The following RARB variants were observed in gnomAD, a reference collection of about 807,000 sequenced individuals.
RARB encodes HBV-activated protein.
In RARB, 17 loss-of-function variants were observed where a neutral mutation model predicts 51.9. That is an observed-to-expected ratio of 0.33 (90% CI 0.22 to 0.49). The LOEUF is 0.49. Among genes scored for constraint, RARB ranks in the 20% least tolerant of loss-of-function variants. RARB has a pLI of 0.99. For missense variants in RARB, 369 were observed against 550.8 expected (o/e 0.67, Z 3.30); for synonymous variants, 215 against 195.4 (o/e 1.10, Z -0.84).
intron 3 of RARB, among the ~76,000 whole-genome samples, chr3:25,071,353 A>G (rs1245762553): frequency 3.3e-5 from 5 of 152,236 alleles, no homozygotes; most frequent in African/African-American, 7.2e-5. Context: ...TAAACATGCC[A>G]TGATACTTTG....
chr3:25,160,205 T>C (rs73050349), intron 4 of RARB, among the ~76,000 whole-genome samples: 13,290 of 152,304 alleles, frequency 0.087, 733 homozygotes, highest in Non-Finnish European at 0.13. Context: ...AGGACAGCTC[T>C]AAGGCTGCAG....
At chr3:25,580,827 G>A (rs1157057373) in intron 5 of RARB, 105 bp downstream of exon 5, 1 of 1,280,584 alleles carries the variant, frequency 7.8e-7, no homozygotes, top group Non-Finnish European at 1.1e-6. Flanking sequence ...AGGAGGTTTT[G>A]AGTTTCGACT....
chr3:25,358,624 A>C (rs1429828762), intron 5 of RARB, among the ~76,000 whole-genome samples: 1 of 152,172 alleles, frequency 6.6e-6, no homozygotes, highest in Non-Finnish European at 1.5e-5. Context: ...GTTCTCATTA[A>C]TAGCTCTTAT....
At chr3:24,955,289 A>G (rs1695987621) in intron 2 of RARB, among the ~76,000 whole-genome samples, 2 of 152,302 alleles carry the variant, frequency 1.3e-5, no homozygotes, top group Admixed American at 1.3e-4. Context: ...GTAGTCTCCA[A>G]CACTCAGTTG....
intron 2 of RARB, among the ~76,000 whole-genome samples, chr3:24,890,626 G>T (rs981240888): frequency 1.3e-5 from 2 of 152,250 alleles, no homozygotes; most frequent in South Asian, 4.2e-4. Flanking sequence ...ACTTTGTCAT[G>T]TTTTCAATTG....
intron 5 of RARB, among the ~76,000 whole-genome samples, chr3:25,289,936 C>T (rs1296400313): frequency 6.6e-6 from 1 of 152,102 alleles, no homozygotes; most frequent in African/African-American, 2.4e-5. Flanking sequence ...AGGATGTCAC[C>T]ACAACTCTGA....
intron 3 of RARB, among the ~76,000 whole-genome samples, chr3:25,100,197 A>G (rs1299938192): frequency 6.6e-6 from 1 of 152,218 alleles, no homozygotes; most frequent in Non-Finnish European, 1.5e-5. Context: ...CCGTTTTTAT[A>G]TTTACAGCCT....
intron 3 of RARB, among the ~76,000 whole-genome samples, chr3:25,566,588 C>G (rs1700505658): frequency 6.6e-6 from 1 of 152,148 alleles, no homozygotes; most frequent in Admixed American, 6.5e-5. Context: ...CACCCAGGGC[C>G]CCTTCCCACA....
At chr3:24,930,815 A>T (rs968686782) in intron 2 of RARB, among the ~76,000 whole-genome samples, 2 of 152,008 alleles carry the variant, frequency 1.3e-5, no homozygotes, top group African/African-American at 2.4e-5. Context: ...TAGAGACCAG[A>T]CTGGGCAACA....
At chr3:25,253,907 TGTTA>T (rs945748073) in intron 5 of RARB, among the ~76,000 whole-genome samples, 1 of 152,120 alleles carries the variant, frequency 6.6e-6, no homozygotes, top group African/African-American at 2.4e-5. Context: ...TAGACACAAA[TGTTA>T]GTTAGAAGGG....
rs554326629 is a variant in RARB, at chr3:25,363,133, A to T, written c.179-98060A>T. Among the ~76,000 whole-genome samples the T allele has an allele frequency of 2.4e-3, 358 of 152,320 alleles. 1 individual carries two copies. Among genetic ancestry groups the T allele is most frequent in the African/African-American group, 8.1e-3 (338 of 41,568 alleles). On this transcript the variant is annotated intron_variant, in intron 5 of 11. Transcript: ENST00000383772. Reference sequence around the variant, plus strand: ...ATTGGATAGGACATAATTTAAGGACATTATTGTCCAGGAAAGTTGATGAAA... The same window carrying T: ...ATTGGATAGGACATAATTTAAGGACTTTATTGTCCAGGAAAGTTGATGAAA...
intron 3 of RARB, among the ~76,000 whole-genome samples, chr3:25,094,716 C>CAAAAAAA (rs57477720): frequency 3.0e-4 from 13 of 43,084 alleles, no homozygotes; most frequent in African/African-American, 6.5e-4. Flanking sequence ...GACCCCATCT[C>CAAAAAAA]AAAAAAAAAA....
chr3:24,861,916 A>G (rs1222028147), intron 2 of RARB, among the ~76,000 whole-genome samples: 1 of 152,258 alleles, frequency 6.6e-6, no homozygotes, highest in Non-Finnish European at 1.5e-5. Context: ...CTGGTAGGGC[A>G]GTAAACCATG....
At chr3:25,213,153 G>T (rs1479440493) in intron 5 of RARB, among the ~76,000 whole-genome samples, 1 of 151,884 alleles carries the variant, frequency 6.6e-6, no homozygotes, top group Non-Finnish European at 1.5e-5. Flanking sequence ...GAATTCACTG[G>T]TGTACATAAT....
In RARB at chr3:25,368,955, A is replaced by G. The variant is rs73156076; in HGVS notation, c.179-92238A>G. Among the ~76,000 whole-genome samples the G allele has an allele frequency of 8.3e-3, 1,260 of 152,148 alleles. 20 individuals are homozygous for G. The highest frequency in any genetic ancestry group is 0.029 in the African/African-American group (1,188 of 41,478). ...CATCGTTGTTATATGCTCTTTATGA[A>G]CTCTACTTACATGTAAAAAAATTAC... On this transcript the variant is annotated intron_variant, in intron 5 of 11. Coordinates refer to the RARB transcript ENST00000383772.
intron 2 of RARB, among the ~76,000 whole-genome samples, chr3:25,047,121 T>C (rs1380673662): frequency 6.6e-6 from 1 of 152,194 alleles, no homozygotes; most frequent in Non-Finnish European, 1.5e-5. Flanking sequence ...CAAAGACTTC[T>C]GGAGGAATTT....
intron 3 of RARB, among the ~76,000 whole-genome samples, chr3:25,103,118 C>A (rs1190969850): frequency 1.3e-5 from 2 of 152,092 alleles, no homozygotes; most frequent in African/African-American, 4.8e-5. Context: ...TGGATCCATG[C>A]AGAAGTGGCT....
At chr3:25,169,516 G>A (rs997231276) in intron 4 of RARB, among the ~76,000 whole-genome samples, 1 of 152,148 alleles carries the variant, frequency 6.6e-6, no homozygotes, top group African/African-American at 2.4e-5. Flanking sequence ...TATAAATGCA[G>A]TATATCACGT....
intron 2 of RARB, among the ~76,000 whole-genome samples, chr3:24,888,521 C>G (rs529813383): frequency 6.6e-6 from 1 of 151,682 alleles, no homozygotes; most frequent in Non-Finnish European, 1.5e-5. Context: ...AGCTAAGACC[C>G]TATAATCAGC....
Sources: gnomAD v4.1 joint callset for allele counts (sites outside exome capture counted in the v4.1 genomes callset) on GRCh38, gnomAD v4.1.1 for gene constraint, MANE v1.5 for transcripts, NCBI Gene and HGNC (gene_info 2026-07-23, HGNC 2026-07-21) for gene names.